The following PABPC4L variants were observed in gnomAD, a reference collection of about 807,000 sequenced individuals.
PABPC4L encodes polyadenylate-binding protein 4-like.
For synonymous variants in PABPC4L, 169 were observed against 164.1 expected, an observed-to-expected ratio of 1.03 and a Z score of -0.23; for missense variants, 452 against 451.4, an observed-to-expected ratio of 1.00 and a Z score of -0.01.
the PABPC4L span, among the ~76,000 whole-genome samples, chr4:133,992,625 AG>A: frequency 2.6e-5 from 4 of 152,290 alleles, no homozygotes; most frequent in African/African-American, 9.6e-5. Flanking sequence ...GTGTCCGCCC[AG>A]GTAACAGAGT....
chr4:134,080,702 G>C, the PABPC4L span, among the ~76,000 whole-genome samples: 1 of 152,124 alleles, frequency 6.6e-6, no homozygotes, highest in Non-Finnish European at 1.5e-5. Flanking sequence ...ATTATAGGAA[G>C]TGACACAACA....
rs1354579264 is a variant in PABPC4L at position 134,197,441 on chromosome 4, A to G, written c.*2466T>C. 2 of 151,764 alleles carry G rather than the reference A, an allele frequency of 1.3e-5. No homozygotes were observed. The highest frequency in any genetic ancestry group is 3.0e-5 in the Non-Finnish European group (2 of 67,672). 9.4% of individuals were successfully genotyped at this position (151,764 alleles called of 1,614,324 possible). A position where few individuals can be genotyped will look rare whatever the true frequency, so the allele number is the denominator to read the frequency against. On this transcript the variant is annotated 3_prime_UTR_variant, in exon 2 of 2. Transcript: ENST00000421491. ...GTGAATATATGTATTTAAAGTGTTC[A>G]AAATATTTTGAAGCATGACATCAAA...
At chr4:134,091,200 T>C in the PABPC4L span, among the ~76,000 whole-genome samples, 1 of 152,064 alleles carries the variant, frequency 6.6e-6, no homozygotes, top group Non-Finnish European at 1.5e-5. Flanking sequence ...TTTTAAAAAG[T>C]GTTTCCTCAT....
the PABPC4L span, among the ~76,000 whole-genome samples, chr4:133,994,237 G>C: frequency 6.6e-6 from 1 of 152,046 alleles, no homozygotes; most frequent in Non-Finnish European, 1.5e-5. Flanking sequence ...CTGGCTTTTG[G>C]TTGCTCCTCA....
chr4:134,018,579 C>T, the PABPC4L span, among the ~76,000 whole-genome samples: 1 of 152,026 alleles, frequency 6.6e-6, no homozygotes. Context: ...TACTTTCACC[C>T]TTCTTTCAAA....
At chr4:134,069,694 A>G in the PABPC4L span, among the ~76,000 whole-genome samples, 1 of 152,164 alleles carries the variant, frequency 6.6e-6, no homozygotes, top group East Asian at 1.9e-4. Context: ...TCTTAAAATG[A>G]CCATTTCATC....
the PABPC4L span, among the ~76,000 whole-genome samples, chr4:134,154,929 T>A: frequency 6.6e-6 from 1 of 152,070 alleles, no homozygotes; most frequent in Non-Finnish European, 1.5e-5. Flanking sequence ...GATAAAACAC[T>A]ATAGCAAAAC....
downstream of PABPC4L, among the ~76,000 whole-genome samples, chr4:134,193,660 A>C (rs1729576268): frequency 6.6e-6 from 1 of 151,936 alleles, no homozygotes; most frequent in African/African-American, 2.4e-5. Context: ...ATCAATATTT[A>C]ATCTAGTCTG....
the PABPC4L span, among the ~76,000 whole-genome samples, chr4:134,187,061 G>A: frequency 6.6e-6 from 1 of 152,102 alleles, no homozygotes; most frequent in Non-Finnish European, 1.5e-5. Context: ...TGGAGAGGAT[G>A]TGGAGAAATA....
the PABPC4L span, among the ~76,000 whole-genome samples, chr4:134,037,442 C>G: frequency 2.0e-5 from 3 of 151,934 alleles, no homozygotes; most frequent in Admixed American, 2.0e-4. Context: ...TAATTACTAT[C>G]TTTGGAAGTT....
chr4:134,079,438 G>C, the PABPC4L span, among the ~76,000 whole-genome samples: 1 of 151,340 alleles, frequency 6.6e-6, no homozygotes, highest in African/African-American at 2.4e-5. Flanking sequence ...AATTAGCCAG[G>C]CGTGGTAGCG....
chr4:134,026,357 T>A, the PABPC4L span, among the ~76,000 whole-genome samples: 3 of 152,112 alleles, frequency 2.0e-5, no homozygotes, highest in African/African-American at 7.2e-5. Context: ...TCCCTCAGCC[T>A]CCCGAGTAGC....
the PABPC4L span, among the ~76,000 whole-genome samples, chr4:134,049,095 C>A: frequency 6.6e-6 from 1 of 151,962 alleles, no homozygotes; most frequent in East Asian, 1.9e-4. Context: ...AATTAAGTAG[C>A]CACTGGTATC....
At chr4:134,062,557 T>C in the PABPC4L span, among the ~76,000 whole-genome samples, 1 of 152,018 alleles carries the variant, frequency 6.6e-6, no homozygotes, top group Non-Finnish European at 1.5e-5. Context: ...AAATTGATGT[T>C]ACTAGTAAGA....
chr4:134,108,162 C>T, the PABPC4L span, among the ~76,000 whole-genome samples: 1 of 151,598 alleles, frequency 6.6e-6, no homozygotes, highest in Admixed American at 6.6e-5. Flanking sequence ...GAAAAAGGTA[C>T]ATATGCACAT....
At chr4:134,073,210 C>T in the PABPC4L span, among the ~76,000 whole-genome samples, 5 of 152,174 alleles carry the variant, frequency 3.3e-5, no homozygotes, top group Non-Finnish European at 7.3e-5. Flanking sequence ...CTAGTTACTT[C>T]CTAGATACAT....
chr4:134,144,181 T>C, the PABPC4L span, among the ~76,000 whole-genome samples: 2 of 151,560 alleles, frequency 1.3e-5, no homozygotes, highest in Non-Finnish European at 3.0e-5. Flanking sequence ...AAGGTATTTA[T>C]AAAAATATTT....
chr4:134,199,896 G>T lies in PABPC4L; in HGVS notation c.*11C>A. 6.5e-7 allele frequency: 1 copy of T among 1,549,888 alleles called. No homozygotes were observed. On this transcript the variant is annotated 3_prime_UTR_variant, in exon 2 of 2. Transcript: ENST00000421491. ...CTGCAGATACTAGCTGGAAAGGTAC[G>T]TTTTTCTTTCCTAGTGTCTCTGGGC...
the PABPC4L span, among the ~76,000 whole-genome samples, chr4:134,072,785 C>G: frequency 1.3e-5 from 2 of 152,054 alleles, no homozygotes; most frequent in Non-Finnish European, 2.9e-5. Context: ...AAAGGGGAAG[C>G]AAACACATCC....
Sources: allele counts gnomAD v4.1 joint callset (sites outside exome capture counted in the v4.1 genomes callset), GRCh38; gene constraint gnomAD v4.1.1; transcripts MANE v1.5; gene names NCBI Gene and HGNC (gene_info 2026-07-23, HGNC 2026-07-21).